The following TF variants were observed in gnomAD, a reference collection of about 807,000 sequenced individuals.
The protein encoded by TF is transferrin, also known as serotransferrin.
A neutral mutation model predicts 82.4 loss-of-function variants in TF; 55 were observed. The observed-to-expected ratio is 0.67, with a 90% CI of 0.54 to 0.84. The LOEUF (loss-of-function observed/expected upper bound fraction) is 0.84. Ranked by LOEUF, TF falls within the 40% of genes least tolerant of loss-of-function variation. The pLI is 0.00. For synonymous variants in TF, 332 were observed against 332.6 expected (o/e 1.00, Z 0.02); for missense variants, 737 against 868.4 (o/e 0.85, Z 1.90).
chr3:133,765,549 T>C (rs1358023), intron 11 of TF, among the ~76,000 whole-genome samples: 49,390 of 152,080 alleles, frequency 0.32, 8,305 homozygotes, highest in South Asian at 0.42. Flanking sequence ...CAGCCATTAC[T>C]GTACAAGTCT....
At position 133,793,889 on chromosome 3, in the gene TF, A is replaced by G. The variant is rs1423204707; in HGVS notation, c.*15269A>G. The G allele has an allele frequency of 6.6e-6, 1 of 152,176 alleles. No homozygotes were observed. Among genetic ancestry groups the G allele is most frequent in the Non-Finnish European group, 1.5e-5 (1 of 68,014 alleles). 9.4% of individuals were successfully genotyped at this position (152,176 alleles called of 1,614,324 possible). ...ACTGGGTAAGAATTCCTGGAACTTT[A>G]ATGAAAAGACTGACTGAGTTCTAAA... is the stretch of plus-strand genomic sequence containing the variant. On this transcript the variant is annotated 3_prime_UTR_variant, in exon 17 of 17. Coordinates refer to ENST00000402696, the MANE Select transcript of TF (RefSeq NM_001063.4).
chr3:133,717,711 G>A, the TF span, among the ~76,000 whole-genome samples: 1 of 152,226 alleles, frequency 6.6e-6, no homozygotes, highest in African/African-American at 2.4e-5. Flanking sequence ...CATGGATTGA[G>A]GCGGCTGGGG....
At chr3:133,731,502 C>T in the TF span, among the ~76,000 whole-genome samples, 1 of 152,208 alleles carries the variant, frequency 6.6e-6, no homozygotes, top group Admixed American at 6.5e-5. Flanking sequence ...ACTAAATGGT[C>T]TCTCAGGGTG....
At position 133,754,595 on chromosome 3, in the gene TF, C is replaced by A. The variant is rs777653288; in HGVS notation, c.426C>A (p.Gly142=). 5.6e-6 allele frequency: 9 copies of A among 1,614,106 alleles called. No homozygotes were observed. In the African/African-American group the frequency reaches 1.2e-4, roughly 22 times the overall value. Residue 142 remains glycine, a synonymous_variant, in exon 4 of 17, where the codon GGC becomes GGA. Transcript: ENST00000402696. ...AGAAGTCCTGCCACACGGGTCTAGG[C>A]AGGTCCGCTGGGTGGAACATCCCCA... ...RGKKSCHTGL[G]RSAGWNIPIG...
rs150290775 is a variant in TF, at chr3:133,766,263, G to T, written c.1331-15G>T. On this transcript the variant is annotated splice_polypyrimidine_tract_variant and intron_variant, in intron 11 of 16. Transcript: ENST00000402696. ...AGAGGTGTTAATACATCCTTTTCTG[G>T]TGTCTTTCTTGTAGGGTATTTTGCT... 1.4e-5 allele frequency: 23 copies of T among 1,613,950 alleles called. No homozygotes were observed. The highest frequency in any genetic ancestry group is 1.9e-5 in the Non-Finnish European group (22 of 1,179,828).
chr3:133,737,032 C>T, the TF span, among the ~76,000 whole-genome samples: 10 of 152,324 alleles, frequency 6.6e-5, 1 homozygote, highest in South Asian at 2.1e-3. Context: ...CTCAGCACCA[C>T]ATCGCACTTA....
chr3:133,718,486 A>T, the TF span, among the ~76,000 whole-genome samples: 1 of 152,144 alleles, frequency 6.6e-6, no homozygotes, highest in Admixed American at 6.5e-5. Context: ...AAGCAGGAGC[A>T]CAGGTCAGTG....
At chr3:133,691,438 C>T in the TF span, among the ~76,000 whole-genome samples, 3 of 152,200 alleles carry the variant, frequency 2.0e-5, no homozygotes, top group African/African-American at 7.2e-5. Flanking sequence ...CTTCATGGAG[C>T]TTACATTCCA....
intron 1 of TF, chr3:133,747,232 C>T (rs1933526917): frequency 6.5e-6 from 1 of 153,694 alleles, no homozygotes; most frequent in Admixed American, 6.4e-5. Flanking sequence ...TGAGAGAGGA[C>T]CCCACGTTAC....
chr3:133,775,547 C>G lies in TF; in HGVS notation c.1802C>G (p.Ala601Gly), dbSNP rs1934366994. 6.2e-7 allele frequency: 1 copy of G among 1,614,186 alleles called. No homozygotes were observed. Among genetic ancestry groups the G allele is most frequent in the Non-Finnish European group, 8.5e-7 (1 of 1,180,016 alleles). ...EEYANCHLAR[A>G]PNHAVVTRKD... ...TATGCGAACTGCCACCTGGCCAGAG[C>G]CCCGAATCACGCTGTGGTCACACGG... The change falls in exon 15 of 17, where the codon GCC becomes GGC. Residue 601 changes from alanine (A) to glycine (G), a missense_variant. By Grantham distance (60) the Ala-to-Gly change is moderately conservative (BLOSUM62 0). Transcript: ENST00000402696.
chr3:133,773,922 C>G (rs1178218681), intron 14 of TF: 1 of 152,376 alleles, frequency 6.6e-6, no homozygotes, highest in Non-Finnish European at 1.5e-5. Context: ...TGCCCCCAGT[C>G]TCGCCTGCAC....
chr3:133,739,073 G>T, the TF span, among the ~76,000 whole-genome samples: 2 of 152,116 alleles, frequency 1.3e-5, no homozygotes, highest in East Asian at 1.9e-4. Context: ...ATACTACAAG[G>T]CTACAGTAAC....
At chr3:133,753,386 C>T (rs1933729859) in intron 2 of TF, among the ~76,000 whole-genome samples, 2 of 152,210 alleles carry the variant, frequency 1.3e-5, no homozygotes, top group African/African-American at 2.4e-5. Context: ...ATCCATCACT[C>T]CCTCTATGCA....
At chr3:133,754,924 C>G (rs552191508) in intron 4 of TF, among the ~76,000 whole-genome samples, 2 of 152,184 alleles carry the variant, frequency 1.3e-5, no homozygotes, top group South Asian at 4.1e-4. Flanking sequence ...GCGCAAGGCT[C>G]GGCAGAGGGT....
At position 133,782,068 on chromosome 3, in the gene TF, A is replaced by C. The variant is rs147226394; in HGVS notation, c.*3448A>C. ...AAGGTGTTCAACATCACTAATCATA[A>C]GGGAAATGTGAATTGAAACCATTAT... is the stretch of plus-strand genomic sequence containing the variant. On this transcript the variant is annotated 3_prime_UTR_variant, in exon 17 of 17. Transcript: ENST00000402696. 84 of 152,320 alleles carry C rather than the reference A, an allele frequency of 5.5e-4. No individual in the cohort carries two copies. Among genetic ancestry groups the C allele is most frequent in the African/African-American group, 1.9e-3 (78 of 41,570 alleles). The allele number at this position is 152,320 out of a possible 1,614,324, so 9.4% of individuals were successfully genotyped here.
In TF at chr3:133,764,232, G is replaced by T; in HGVS notation, c.1254G>T (p.Ala418=). 2 of 1,613,930 alleles carry T rather than the reference G, an allele frequency of 1.2e-6. No homozygotes were observed. Among genetic ancestry groups the T allele is most frequent in the Non-Finnish European group, 8.5e-7 (1 of 1,179,862 alleles). ...MSLDGGFVYI[A]GKCGLVPVLA... ...TGGATGGAGGGTTTGTCTACATAGC[G>T]GGCAAGTGTGGTCTGGTGCCTGTCT... The change falls in exon 10 of 17, where the codon GCG becomes GCT. Residue 418 remains alanine (A), a synonymous_variant. Transcript: ENST00000402696.
chr3:133,757,150 T>A, intron 7 of TF, 141 bp downstream of exon 7: 1 of 1,176,240 alleles, frequency 8.5e-7, no homozygotes, highest in Non-Finnish European at 1.2e-6. Context: ...CTAAGTTCTC[T>A]AAAAGCTGGG....
intron 11 of TF, among the ~76,000 whole-genome samples, chr3:133,765,557 T>C (rs1418278471): frequency 6.6e-6 from 1 of 152,156 alleles, no homozygotes; most frequent in Non-Finnish European, 1.5e-5. Context: ...ACTGTACAAG[T>C]CTGTCCTTGC....
At chr3:133,767,687 G>A (rs994765306) in intron 12 of TF, among the ~76,000 whole-genome samples, 1 of 152,226 alleles carries the variant, frequency 6.6e-6, no homozygotes, top group African/African-American at 2.4e-5. Context: ...CTGAAAACAG[G>A]TGGCACAAGC....
Sources: allele counts gnomAD v4.1 joint callset (sites outside exome capture counted in the v4.1 genomes callset), GRCh38; gene constraint gnomAD v4.1.1; transcripts MANE v1.5; gene names NCBI Gene and HGNC (gene_info 2026-07-23, HGNC 2026-07-21).